The following RAD54B variants were observed in gnomAD, a reference collection of about 807,000 sequenced individuals.
The protein encoded by RAD54B is RAD54 homolog B, also known as DNA repair and recombination protein RAD54B.
RAD54B carries 78 observed loss-of-function variants against 95.8 expected under a neutral mutation model. The ratio of observed to expected loss-of-function variants is 0.81; its 90% CI spans 0.68 to 0.98. The LOEUF (loss-of-function observed/expected upper bound fraction) is 0.98, where lower values mean the gene tolerates loss of function less well. Among genes scored for constraint, RAD54B ranks in the 50% least tolerant of loss-of-function variants. RAD54B has a pLI of 0.00. For missense variants in RAD54B, 957 were observed against 1,056.6 expected (o/e 0.91, Z 1.31); for synonymous variants, 328 against 354.9 (o/e 0.92, Z 0.85).
chr8:94,428,982 A>G, intron 3 of RAD54B: 1 of 982,566 alleles, frequency 1.0e-6, no homozygotes, highest in Non-Finnish European at 1.2e-6. Flanking sequence ...CATAAACTAT[A>G]CTATGTTAAT....
chr8:94,407,506 TG>T lies in RAD54B; in HGVS notation c.713del (p.Pro238GlnfsTer49). On this transcript the variant is annotated frameshift_variant, in exon 5 of 15. Transcript: ENST00000336148. LOFTEE classifies it high-confidence loss of function. ...CATTCTGTCTATTTTCCTTTGAACT[TG>T]GTTTACAAACACTTTTGAAAGGGTT... ...FSNPFKSVCK[P>X]SSKENRQNDF... 1 of 1,613,856 alleles carries T rather than the reference TG, an allele frequency of 6.2e-7. No homozygotes were observed. The highest frequency in any genetic ancestry group is 8.5e-7 in the Non-Finnish European group (1 of 1,179,764).
At chr8:94,437,547 G>A (rs1812297524) in intron 3 of RAD54B, among the ~76,000 whole-genome samples, 1 of 152,024 alleles carries the variant, frequency 6.6e-6, no homozygotes, top group South Asian at 2.1e-4. Context: ...ATTAGCCTCT[G>A]CATATTTTTT....
intron 3 of RAD54B, chr8:94,430,837 C>A (rs1812074085): frequency 1.0e-6 from 1 of 985,456 alleles, no homozygotes; most frequent in Non-Finnish European, 1.2e-6. Context: ...CCTACCTAGT[C>A]CAGGGAGATG....
At chr8:94,423,054 T>A (rs1460770006) in intron 3 of RAD54B, among the ~76,000 whole-genome samples, 1 of 151,998 alleles carries the variant, frequency 6.6e-6, no homozygotes, top group Non-Finnish European at 1.5e-5. Context: ...TCTGTCCTCA[T>A]TTCCATTATT....
chr8:94,471,645 A>G (rs950613073), intron 1 of RAD54B, among the ~76,000 whole-genome samples: 1 of 152,106 alleles, frequency 6.6e-6, no homozygotes, highest in Non-Finnish European at 1.5e-5. Context: ...AGAAAAATAC[A>G]TGCCACAACA....
chr8:94,405,201 C>A (rs1300615725), intron 5 of RAD54B, among the ~76,000 whole-genome samples: 1 of 152,092 alleles, frequency 6.6e-6, no homozygotes, highest in African/African-American at 2.4e-5. Context: ...AAAAGATTTA[C>A]TAAAATATCA....
At chr8:94,436,459 C>T (rs1199216414) in intron 3 of RAD54B, 2 of 1,493,378 alleles carry the variant, frequency 1.3e-6, no homozygotes, top group South Asian at 1.4e-5. Context: ...ATAGGAGGCG[C>T]CATAATTTTC....
chr8:94,397,543 C>A (rs1256185074), intron 8 of RAD54B, among the ~76,000 whole-genome samples: 1 of 151,974 alleles, frequency 6.6e-6, no homozygotes, highest in Non-Finnish European at 1.5e-5. Context: ...GAATGAAATC[C>A]TAGATCAATT....
chr8:94,378,185 T>C lies in RAD54B; in HGVS notation c.2510A>G (p.His837Arg). 4 of 1,606,662 alleles carry C rather than the reference T, an allele frequency of 2.5e-6. No individual in the cohort carries two copies. The highest frequency in any genetic ancestry group is 3.4e-6 in the Non-Finnish European group (4 of 1,176,584). The change falls in exon 14 of 15, where the codon CAT (histidine) becomes CGT (arginine). Residue 837 changes from histidine (H) to arginine (R), a missense_variant. Transcript: ENST00000336148. ...LDCECTGEEV[H>R]TGDSLEKFIV... ...AGAATTAAAATATAACTAACCTGTA[T>C]GAACTTCTTCTCCTGTACACTCACA... is the stretch of plus-strand genomic sequence containing the variant.
chr8:94,400,193 T>C, intron 7 of RAD54B, 45 bp downstream of exon 7: 1 of 1,525,114 alleles, frequency 6.6e-7, no homozygotes, highest in Non-Finnish European at 9.0e-7. Flanking sequence ...TTTGAAAAAC[T>C]AGATTTTTTT....
Position 94,404,163 on chromosome 8 carries a change from T to C in RAD54B, c.858A>G (p.Val286=). ...FNKNCFPLVD[V]VIDPYLVYHL... ...GATATACAAGGTAAGGATCAATCAC[T>C]ACATCCACAAGAGGGAAACAGTTCT... is the stretch of plus-strand genomic sequence containing the variant. Residue 286 remains valine (V), a synonymous_variant, in exon 6 of 15, where the codon GTA becomes GTG. Coordinates refer to ENST00000336148, the MANE Select transcript of RAD54B (RefSeq NM_012415.3). 6.2e-7 allele frequency: 1 copy of C among 1,611,398 alleles called. No homozygotes were observed. Among genetic ancestry groups the C allele is most frequent in the Non-Finnish European group, 8.5e-7 (1 of 1,177,924 alleles).
intron 13 of RAD54B, 65 bp from the exon 14 acceptor site, chr8:94,378,445 A>G: frequency 6.7e-7 from 1 of 1,490,532 alleles, no homozygotes; most frequent in East Asian, 2.3e-5. Flanking sequence ...GTTGGGTATA[A>G]TGTTTAGTAA....
intron 1 of RAD54B, among the ~76,000 whole-genome samples, chr8:94,470,694 G>C (rs1813149079): frequency 6.6e-6 from 1 of 152,040 alleles, no homozygotes; most frequent in Admixed American, 6.6e-5. Flanking sequence ...GGAGGCAGAG[G>C]TTGCAGTAAG....
chr8:94,377,228 G>GA (rs936951782), intron 14 of RAD54B, among the ~76,000 whole-genome samples: 5 of 152,062 alleles, frequency 3.3e-5, no homozygotes, highest in African/African-American at 1.2e-4. Context: ...TTGCGAAAGA[G>GA]AAATAGGGAT....
intron 5 of RAD54B, among the ~76,000 whole-genome samples, chr8:94,406,544 G>A (rs930989274): frequency 2.0e-5 from 3 of 152,118 alleles, no homozygotes; most frequent in Non-Finnish European, 2.9e-5. Flanking sequence ...CAATAATGCC[G>A]TTGATTATTT....
chr8:94,375,653 A>G (rs1029077467), intron 14 of RAD54B, among the ~76,000 whole-genome samples: 7 of 152,176 alleles, frequency 4.6e-5, no homozygotes, highest in African/African-American at 1.7e-4. Context: ...TGATATATCT[A>G]TACACTGGAA....
chr8:94,420,999 AAG>A (rs1811794572), intron 3 of RAD54B, among the ~76,000 whole-genome samples: 1 of 151,896 alleles, frequency 6.6e-6, no homozygotes, highest in African/African-American at 2.4e-5. Flanking sequence ...AAAAAAAAAA[AAG>A]AGATGTTTTC....
At chr8:94,388,466 GT>G (rs1370350183) in intron 10 of RAD54B, among the ~76,000 whole-genome samples, 4 of 152,184 alleles carry the variant, frequency 2.6e-5, no homozygotes. Flanking sequence ...TCGTAGTTCA[GT>G]TTTGGGGGAG....
In RAD54B at chr8:94,383,752, T is replaced by C. The variant is rs574092666; in HGVS notation, c.1985+3232A>G. ...AAGATGGGGATTCCCAAGGATAAGA[T>C]AGCCAAAAAGCACATTAAAAGGTGC... On this transcript the variant is annotated intron_variant, in intron 11 of 14. Coordinates refer to ENST00000336148, the MANE Select transcript of RAD54B (RefSeq NM_012415.3). Among the ~76,000 whole-genome samples the C allele has an allele frequency of 7.7e-3, 1,175 of 152,150 alleles. 11 individuals are homozygous for C. The highest frequency in any genetic ancestry group is 0.027 in the African/African-American group (1,104 of 41,494).
Sources: gnomAD v4.1 joint callset for allele counts (sites outside exome capture counted in the v4.1 genomes callset) on GRCh38, gnomAD v4.1.1 for gene constraint, MANE v1.5 for transcripts, NCBI Gene and HGNC (gene_info 2026-07-23, HGNC 2026-07-21) for gene names.